Variants in TRIM24 observed in about 807,000 individuals in gnomAD.
The protein encoded by TRIM24 is tripartite motif containing 24.
A neutral mutation model predicts 123.9 loss-of-function variants in TRIM24; 29 were observed. The ratio of observed to expected loss-of-function variants is 0.23; its 90% confidence interval spans 0.17 to 0.32. The LOEUF (loss-of-function observed/expected upper bound fraction) is 0.32. TRIM24 is among the 10% of genes least tolerant of loss of function. The pLI, the probability that TRIM24 is intolerant of heterozygous loss-of-function variation, is 1.00. For synonymous variants in TRIM24, 456 were observed against 461.1 expected, an observed-to-expected ratio of 0.99 and a Z score of 0.14; for missense variants, 932 against 1,295.3, an observed-to-expected ratio of 0.72 and a Z score of 4.31.
At position 138,584,018 on chromosome 7, in the gene TRIM24, AG is replaced by A; in HGVS notation, c.2943+24del. 3 of 1,592,716 alleles carry A rather than the reference AG, an allele frequency of 1.9e-6. No individual in the cohort carries two copies. The highest frequency in any genetic ancestry group is 1.2e-5 in the South Asian group (1 of 85,134). ...CAATGAGGTGAGGCTAGGGGAGGGA[AG>A]GGGGCAGGAAGGAACAGCAGTGTGA... On this transcript the variant is annotated intron_variant, in intron 18 of 18. Transcript: ENST00000343526.
intron 1 of TRIM24, among the ~76,000 whole-genome samples, chr7:138,475,598 C>T (rs1318676864): frequency 6.6e-6 from 1 of 152,156 alleles, no homozygotes. Context: ...CTCACTGCAA[C>T]CTCCAGGGTT....
rs756426400 is a variant in TRIM24 at position 138,584,855 on chromosome 7, A to T, written c.3057A>T (p.Ser1019=). ...RFPKPEFRNE[S]EDNKFSDDSD... is the part of the protein sequence containing the mutation. ...CCAAACCAGAATTCAGGAATGAATC[A>T]GAAGATAATAAATTTAGTGATGATT... Residue 1019 remains serine, a synonymous_variant, in exon 19 of 19, where the codon TCA becomes TCT. Transcript: ENST00000343526. 11 of 1,613,866 alleles carry T rather than the reference A, an allele frequency of 6.8e-6. No homozygotes were observed. In the East Asian group the frequency reaches 2.5e-4, roughly 36 times the overall value.
chr7:138,557,474 G>A (rs2116641721), intron 9 of TRIM24, among the ~76,000 whole-genome samples: 1 of 152,228 alleles, frequency 6.6e-6, no homozygotes, highest in South Asian at 2.1e-4. Flanking sequence ...TAACAAGGAG[G>A]GGTAAGAGAC....
rs1300692152 is a variant in TRIM24 at position 138,579,352 on chromosome 7, C to A, written c.2405C>A (p.Ser802Tyr). 2 of 1,614,004 alleles carry A rather than the reference C, an allele frequency of 1.2e-6. No homozygotes were observed. Among genetic ancestry groups the A allele is most frequent in the Non-Finnish European group, 1.7e-6 (2 of 1,180,016 alleles). ...LHQDNSSNGK[S>Y]EWLDPSQKSP... ...CAGGACAATTCCTCAAATGGAAAGTCTGAATGGTTGGATCCTTCCCAGAAG... is the reference window on the plus strand; with the variant it reads ...CAGGACAATTCCTCAAATGGAAAGTATGAATGGTTGGATCCTTCCCAGAAG... Residue 802 changes from serine (S) to tyrosine (Y), a missense_variant, in exon 15 of 19, where the codon TCT (serine) becomes TAT (tyrosine). Transcript: ENST00000343526.
In TRIM24 at chr7:138,577,589, G is replaced by GTAAT. The variant is rs1797787633; in HGVS notation, c.2256+4_2256+7dup. The GTAAT allele has an allele frequency of 6.3e-7, 1 of 1,598,754 alleles. No individual in the cohort carries two copies. The highest frequency in any genetic ancestry group is 8.5e-7 in the Non-Finnish European group (1 of 1,173,426). On this transcript the variant is annotated splice_donor_variant, in intron 14 of 18. Transcript: ENST00000343526. LOFTEE classifies it high-confidence loss of function. ...AGATGAAGAATCTAGGCCTCAAAAT[G>GTAAT]TAATTATGAATGCTTGCAATGCTAT...
rs183204085 is a variant in TRIM24 at position 138,557,346 on chromosome 7, T to G, written c.1530+2380T>G. Among the ~76,000 whole-genome samples, 31 of 152,294 alleles carry G rather than the reference T, an allele frequency of 2.0e-4. 1 individual carries two copies. The East Asian group carries it at 5.0e-3, about 25-fold the overall frequency. On this transcript the variant is annotated intron_variant, in intron 9 of 18. Transcript: ENST00000343526. ...TTTAATGGAAAGCATCTCTATCACT[T>G]AATTCTTCATGAAAAGGCAGGTTTC...
chr7:138,530,251 C>G (rs1170463187), intron 6 of TRIM24, among the ~76,000 whole-genome samples: 1 of 151,640 alleles, frequency 6.6e-6, no homozygotes, highest in Non-Finnish European at 1.5e-5. Context: ...AATTTAAGTA[C>G]AATTTTAAGT....
intron 18 of TRIM24, 106 bp downstream of exon 18, chr7:138,584,105 A>G: frequency 7.7e-7 from 1 of 1,306,288 alleles, no homozygotes; most frequent in East Asian, 2.5e-5. Flanking sequence ...GAGTTAGAAT[A>G]AATTTCCAAC....
chr7:138,546,826 G>A (rs1797111406), intron 7 of TRIM24, among the ~76,000 whole-genome samples: 1 of 152,194 alleles, frequency 6.6e-6, no homozygotes, highest in African/African-American at 2.4e-5. Context: ...GGGAACGCTT[G>A]CATCCCGTTG....
intron 5 of TRIM24, among the ~76,000 whole-genome samples, chr7:138,528,865 G>C (rs528328077): frequency 2.2e-5 from 3 of 134,710 alleles, no homozygotes; most frequent in South Asian, 2.3e-4. Flanking sequence ...TTCTTAAAAT[G>C]TACTCATTCT....
rs1798023170 is a variant in TRIM24 at position 138,586,559 on chromosome 7, T to C, written c.*1608T>C. 1 of 152,056 alleles carries C rather than the reference T, an allele frequency of 6.6e-6. No homozygotes were observed. The highest frequency in any genetic ancestry group is 2.1e-4 in the South Asian group (1 of 4,836). The allele number at this position is 152,056 out of a possible 1,614,324, so 9.4% of individuals were successfully genotyped here. On this transcript the variant is annotated 3_prime_UTR_variant, in exon 19 of 19. Coordinates refer to ENST00000343526, the MANE Select transcript of TRIM24 (RefSeq NM_015905.3). Reference sequence around the variant, plus strand: ...TCTTGTTCATAATATGTCAATTATGTATTGTTAAAAAGTCCTACTCACTTT... The same window carrying C: ...TCTTGTTCATAATATGTCAATTATGCATTGTTAAAAAGTCCTACTCACTTT...
In TRIM24 at chr7:138,588,842, A is replaced by G. The variant is rs539208919; in HGVS notation, c.*3891A>G. On this transcript the variant is annotated 3_prime_UTR_variant, in exon 19 of 19. Transcript: ENST00000343526. Reference sequence around the variant, plus strand: ...CAACATGGTGAAACCCCACCTCAACAGAATATACAAAAAAATTAGCTGGGT... The same window carrying G: ...CAACATGGTGAAACCCCACCTCAACGGAATATACAAAAAAATTAGCTGGGT... 1.3e-5 allele frequency: 2 copies of G among 152,214 alleles called. No individual in the cohort carries two copies. The highest frequency in any genetic ancestry group is 2.1e-4 in the South Asian group (1 of 4,810). The allele number at this position is 152,214 out of a possible 1,614,324, so 9.4% of individuals were successfully genotyped here. A position where few individuals can be genotyped will look rare whatever the true frequency, so the allele number is the denominator to read the frequency against.
At chr7:138,474,859 A>G (rs371775628) in intron 1 of TRIM24, among the ~76,000 whole-genome samples, 73 of 152,324 alleles carry the variant, frequency 4.8e-4, no homozygotes, top group African/African-American at 1.8e-3. Flanking sequence ...AAGAGATCTT[A>G]TGTCAGGAAA....
intron 9 of TRIM24, among the ~76,000 whole-genome samples, chr7:138,567,250 G>GGC (rs1373676440): frequency 1.3e-5 from 2 of 152,144 alleles, no homozygotes; most frequent in Non-Finnish European, 2.9e-5. Flanking sequence ...AAATCTAGGT[G>GGC]GCAATCCCTC....
intron 10 of TRIM24, among the ~76,000 whole-genome samples, 184 bp from the exon 11 acceptor site, chr7:138,570,644 GTT>G (rs199636029): frequency 3.7e-5 from 5 of 135,794 alleles, no homozygotes; most frequent in African/African-American, 8.2e-5. Flanking sequence ...TACTGTTTTG[GTT>G]TTTTTTTTTT....
In TRIM24 at chr7:138,492,704, C is replaced by T. The variant is rs149551503; in HGVS notation, c.365-11586C>T. Among the ~76,000 whole-genome samples the T allele has an allele frequency of 7.9e-3, 1,202 of 152,226 alleles. 9 individuals carry two copies. The highest frequency in any genetic ancestry group is 0.013 in the Non-Finnish European group (886 of 68,014). Reference sequence around the variant, plus strand: ...ATCAACAAGCAAAAATAAGCCATCCCTTAGACGTTGGAAAATTATAGTTGT... The same window carrying T: ...ATCAACAAGCAAAAATAAGCCATCCTTTAGACGTTGGAAAATTATAGTTGT... On this transcript the variant is annotated intron_variant, in intron 1 of 18. Coordinates refer to ENST00000343526, the MANE Select transcript of TRIM24 (RefSeq NM_015905.3).
intron 5 of TRIM24, among the ~76,000 whole-genome samples, 195 bp downstream of exon 5, chr7:138,525,552 T>C (rs113584120): frequency 0.023 from 3,487 of 152,268 alleles, 136 homozygotes; most frequent in African/African-American, 0.079. Context: ...AATAATAAAC[T>C]ACACTTAGTA....
chr7:138,586,714 A>G lies in TRIM24; in HGVS notation c.*1763A>G, dbSNP rs1798026587. 6.6e-6 allele frequency: 1 copy of G among 152,148 alleles called. No individual in the cohort carries two copies. The allele number at this position is 152,148 out of a possible 1,614,324, so 9.4% of individuals were successfully genotyped here. A position where few individuals can be genotyped will look rare whatever the true frequency, so the allele number is the denominator to read the frequency against. On this transcript the variant is annotated 3_prime_UTR_variant, in exon 19 of 19. Transcript: ENST00000343526. ...ACCTTTTGTCTTTTTTTGCTCCAGC[A>G]TTTTATTTTTAGCACAGCAGCTGTG...
intron 1 of TRIM24, chr7:138,491,375 T>C (rs1795776857): frequency 6.1e-6 from 1 of 163,010 alleles, no homozygotes; most frequent in South Asian, 1.7e-4. Context: ...GTGCTGCTCC[T>C]CTTTCCTTCT....
Sources: gnomAD v4.1 joint callset for allele counts (sites outside exome capture counted in the v4.1 genomes callset) on GRCh38, gnomAD v4.1.1 for gene constraint, MANE v1.5 for transcripts, NCBI Gene and HGNC (gene_info 2026-07-23, HGNC 2026-07-21) for gene names.